The following SASH1 variants were observed in gnomAD, a reference collection of about 807,000 sequenced individuals.
The protein encoded by SASH1 is SAM and SH3 domain containing 1.
Under a neutral mutation model 125.2 loss-of-function variants are expected in SASH1, and 44 were observed. The ratio of observed to expected loss-of-function variants is 0.35; its 90% CI spans 0.28 to 0.45. The LOEUF is 0.45. Among genes scored for constraint, SASH1 ranks in the 20% least tolerant of loss-of-function variants. The pLI is 1.00. For missense variants in SASH1, 1,426 were observed against 1,614.5 expected (o/e 0.88, Z 2.00); for synonymous variants, 639 against 649.1 (o/e 0.98, Z 0.24).
intron 1 of SASH1, among the ~76,000 whole-genome samples, chr6:148,357,992 G>A (rs1782011774): frequency 1.3e-5 from 2 of 150,416 alleles, no homozygotes; most frequent in African/African-American, 2.5e-5. Flanking sequence ...CCTGGGAGGC[G>A]GAGGTTGCAG....
At chr6:148,204,567 C>T in the SASH1 span, among the ~76,000 whole-genome samples, 1 of 152,120 alleles carries the variant, frequency 6.6e-6, no homozygotes, top group African/African-American at 2.4e-5. Flanking sequence ...TGGCAGGCAC[C>T]TGTAATCCTA....
At chr6:148,260,665 T>C in the SASH1 span, among the ~76,000 whole-genome samples, 1 of 151,864 alleles carries the variant, frequency 6.6e-6, no homozygotes, top group Non-Finnish European at 1.5e-5. Context: ...GTAAATAATC[T>C]TATAGTTGCT....
chr6:148,430,441 C>T (rs901351211), intron 2 of SASH1, among the ~76,000 whole-genome samples: 4 of 152,236 alleles, frequency 2.6e-5, no homozygotes, highest in Non-Finnish European at 5.9e-5. Context: ...AAGCGATTCT[C>T]CTGCCTTGGC....
At chr6:148,225,482 AAATATCGT>A in the SASH1 span, among the ~76,000 whole-genome samples, 1 of 152,240 alleles carries the variant, frequency 6.6e-6, no homozygotes, top group Admixed American at 6.5e-5. Flanking sequence ...ATGGAAACCC[AAATATCGT>A]ATGTTCTCAC....
At chr6:148,534,636 G>T in intron 15 of SASH1, 115 bp from the exon 16 acceptor site, 1 of 1,006,598 alleles carries the variant, frequency 9.9e-7, no homozygotes, top group South Asian at 1.4e-5. Flanking sequence ...CTAATCTTTT[G>T]ATTAGCCTGA....
rs1458134691 is a variant in SASH1, at chr6:148,550,232, CTA to C, written c.*1676_*1677del. 6.6e-6 allele frequency: 1 copy of C among 152,162 alleles called. No homozygotes were observed. Among genetic ancestry groups the C allele is most frequent in the Non-Finnish European group, 1.5e-5 (1 of 68,028 alleles). 9.4% of individuals were successfully genotyped at this position (152,162 alleles called of 1,614,324 possible). A position where few individuals can be genotyped will look rare whatever the true frequency, so the allele number is the denominator to read the frequency against. On this transcript the variant is annotated 3_prime_UTR_variant, in exon 20 of 20. Transcript: ENST00000367467. The stretch of plus-strand genomic sequence containing the variant: ...TTCCTTTACATTCTTATCATGAACA[CTA>C]TTTTAAGCATCAAATGCAATCATCT...
intron 16 of SASH1, among the ~76,000 whole-genome samples, chr6:148,537,402 C>A (rs1001995116): frequency 6.6e-6 from 1 of 152,156 alleles, no homozygotes; most frequent in East Asian, 1.9e-4. Context: ...AAGCCTCTTA[C>A]AAATTGCTAA....
chr6:148,514,227 C>T (rs1019202115), intron 8 of SASH1, 97 bp from the exon 9 acceptor site: 20 of 1,506,608 alleles, frequency 1.3e-5, no homozygotes, highest in African/African-American at 7.1e-5. Flanking sequence ...ACAGAGCTGC[C>T]GAGGTTCAGA....
chr6:148,441,989 C>A (rs1371071750), intron 4 of SASH1, among the ~76,000 whole-genome samples: 1 of 152,198 alleles, frequency 6.6e-6, no homozygotes, highest in African/African-American at 2.4e-5. Flanking sequence ...TAATGTGTTT[C>A]TAAACAATTT....
chr6:148,194,660 C>A, the SASH1 span, among the ~76,000 whole-genome samples: 2 of 152,212 alleles, frequency 1.3e-5, no homozygotes, highest in African/African-American at 4.8e-5. Context: ...GTAATCCCAG[C>A]ACTTTGGGAG....
chr6:148,229,221 C>T, the SASH1 span, among the ~76,000 whole-genome samples: 2 of 142,750 alleles, frequency 1.4e-5, no homozygotes, highest in African/African-American at 5.2e-5. Flanking sequence ...TAAATGTAAA[C>T]TCTTAACTTT....
intron 2 of SASH1, among the ~76,000 whole-genome samples, chr6:148,420,364 A>T (rs1192361169): frequency 6.6e-6 from 1 of 152,216 alleles, no homozygotes; most frequent in Non-Finnish European, 1.5e-5. Flanking sequence ...CTTAAAAAAA[A>T]TAAGGATGAT....
At chr6:148,451,407 A>G (rs984263161) in intron 4 of SASH1, among the ~76,000 whole-genome samples, 3 of 152,246 alleles carry the variant, frequency 2.0e-5, no homozygotes, top group African/African-American at 4.8e-5. Flanking sequence ...AGTAGCTTCC[A>G]TAAATTGCCA....
chr6:148,384,378 GA>G (rs1362575958), intron 1 of SASH1, among the ~76,000 whole-genome samples: 1 of 152,084 alleles, frequency 6.6e-6, no homozygotes, highest in Non-Finnish European at 1.5e-5. Context: ...CACCTTAAAA[GA>G]AAAGGTTTAA....
At chr6:148,340,053 G>A (rs1293566863), upstream of SASH1, among the ~76,000 whole-genome samples, 1 of 152,188 alleles carries the variant, frequency 6.6e-6, no homozygotes. Flanking sequence ...TGGTGCTGGA[G>A]AGTCAGGCTT....
chr6:148,298,768 GAAA>G (rs1277587060), intron 1 of SASH1, among the ~76,000 whole-genome samples: 18 of 124,118 alleles, frequency 1.5e-4, no homozygotes, highest in South Asian at 2.8e-4. Flanking sequence ...AAGAGAGAAA[GAAA>G]AAAGAAAGAA....
At chr6:148,324,067 C>T (rs112528172) in intron 1 of SASH1, among the ~76,000 whole-genome samples, 3,369 of 132,564 alleles carry the variant, frequency 0.025, 49 homozygotes, top group Non-Finnish European at 0.035. Flanking sequence ...TTGCAGGGAG[C>T]CGAGGTCATG....
At chr6:148,404,769 C>T (rs528942508) in intron 2 of SASH1, among the ~76,000 whole-genome samples, 114 of 120,000 alleles carry the variant, frequency 9.5e-4, no homozygotes, top group Non-Finnish European at 1.8e-3. Flanking sequence ...CCACCCCAGC[C>T]TCGCCCTCAT....
chr6:148,318,554 C>CTT (rs71004283), intron 1 of SASH1, among the ~76,000 whole-genome samples: 3 of 121,102 alleles, frequency 2.5e-5, no homozygotes, highest in African/African-American at 9.3e-5. Context: ...CTACTAATTT[C>CTT]TTTTTTTTTT....
Sources: gnomAD v4.1 joint callset for allele counts (sites outside exome capture counted in the v4.1 genomes callset) on GRCh38, gnomAD v4.1.1 for gene constraint, MANE v1.5 for transcripts, NCBI Gene and HGNC (gene_info 2026-07-23, HGNC 2026-07-21) for gene names.